The following CSMD2 variants were observed in gnomAD, a reference collection of about 807,000 sequenced individuals.
CSMD2 encodes CUB and Sushi multiple domains 2, also known as CUB and sushi domain-containing protein 2.
A neutral mutation model predicts 398.5 loss-of-function variants in CSMD2; 130 were observed. That is an observed-to-expected ratio of 0.33 (90% CI 0.28 to 0.38). CSMD2 has a LOEUF of 0.38. Among genes scored for constraint, CSMD2 ranks in the 10% least tolerant of loss-of-function variants. CSMD2 has a pLI of 1.00. For missense variants in CSMD2, 3,829 were observed against 4,764.9 expected, an observed-to-expected ratio of 0.80 and a Z score of 5.78; for synonymous variants, 1,828 against 1,908.5, an observed-to-expected ratio of 0.96 and a Z score of 1.10.
chr1:34,018,079 T>A (rs571841163), intron 3 of CSMD2, among the ~76,000 whole-genome samples: 1 of 152,370 alleles, frequency 6.6e-6, no homozygotes, highest in Admixed American at 6.5e-5. Context: ...CCACGTCAAC[T>A]GTTTCTTTTT....
chr1:33,646,819 C>T lies in CSMD2; in HGVS notation c.4603G>A (p.Gly1535Ser). 1 of 1,612,176 alleles carries T rather than the reference C, an allele frequency of 6.2e-7. No homozygotes were observed. Among genetic ancestry groups the T allele is most frequent in the Non-Finnish European group, 8.5e-7 (1 of 1,179,014 alleles). Residue 1535 changes from glycine to serine, a missense_variant, in exon 29 of 71, where the codon GGC (glycine) becomes AGC (serine). Physicochemically the swap from Gly to Ser is moderately conservative, Grantham distance 56 (BLOSUM62 0). Coordinates refer to ENST00000373381, the MANE Select transcript of CSMD2 (RefSeq NM_001281956.2). ...LVFNIFNLEP[G>S]YDFLHIYDGR... is the part of the protein sequence containing the mutation. ...TCGTAGATATGGAGGAAGTCATAGC[C>T]AGGCTCCAGGTTAAAGCTGGGGAAC...
intron 42 of CSMD2, among the ~76,000 whole-genome samples, 179 bp downstream of exon 42, chr1:33,605,103 C>T (rs1370687808): frequency 2.6e-5 from 4 of 152,188 alleles, no homozygotes; most frequent in Non-Finnish European, 5.9e-5. Context: ...AGCCCTGTCA[C>T]CAGGACCCTC....
chr1:33,943,811 G>A (rs1311513184), intron 3 of CSMD2, among the ~76,000 whole-genome samples: 1 of 151,852 alleles, frequency 6.6e-6, no homozygotes, highest in Non-Finnish European at 1.5e-5. Context: ...TATATATCTA[G>A]CATTTGATTT....
chr1:33,951,583 C>T (rs1178668625), intron 3 of CSMD2, among the ~76,000 whole-genome samples: 3 of 152,198 alleles, frequency 2.0e-5, no homozygotes, highest in South Asian at 2.1e-4. Flanking sequence ...CCCCCTCGCC[C>T]GTCCTCCACT....
intron 58 of CSMD2, among the ~76,000 whole-genome samples, chr1:33,542,083 G>A (rs1471945556): frequency 1.3e-5 from 2 of 152,198 alleles, no homozygotes; most frequent in Admixed American, 6.5e-5. Flanking sequence ...TTCAGAGGGA[G>A]TCGAAATCAC....
chr1:33,613,460 G>C (rs1193231460), intron 40 of CSMD2, among the ~76,000 whole-genome samples: 1 of 152,168 alleles, frequency 6.6e-6, no homozygotes, highest in Non-Finnish European at 1.5e-5. Flanking sequence ...TCCTTCAGAA[G>C]ATGGTACTGA....
chr1:33,980,397 G>C (rs114180505), intron 3 of CSMD2, among the ~76,000 whole-genome samples: 1 of 152,104 alleles, frequency 6.6e-6, no homozygotes, highest in Non-Finnish European at 1.5e-5. Flanking sequence ...AGTAGGTCAG[G>C]TCTCACAGTG....
intron 65 of CSMD2, among the ~76,000 whole-genome samples, chr1:33,526,630 T>C (rs933225503): frequency 6.6e-6 from 1 of 152,252 alleles, no homozygotes; most frequent in Non-Finnish European, 1.5e-5. Context: ...AGGACACAGC[T>C]GGTCAGTGAC....
rs777096627 is a variant in CSMD2 at position 33,571,522 on chromosome 1, C to T, written c.7957+10G>A. 3 of 1,438,354 alleles carry T rather than the reference C, an allele frequency of 2.1e-6. No individual in the cohort carries two copies. The Admixed American group carries it at 6.1e-5, about 29-fold the overall frequency. The allele number at this position is 1,438,354 out of a possible 1,614,324, so 89.1% of individuals were successfully genotyped here. A position where few individuals can be genotyped will look rare whatever the true frequency, so the allele number is the denominator to read the frequency against. ...TGCTAAACTTGCCCACCCTCCCTTC[C>T]TGGGCTTACTTCGGCAGGTGGGCGT... On this transcript the variant is annotated intron_variant, in intron 51 of 70. Coordinates refer to ENST00000373381, the MANE Select transcript of CSMD2 (RefSeq NM_001281956.2).
At position 33,557,918 on chromosome 1, in the gene CSMD2, G is replaced by C. The variant is rs1041208163; in HGVS notation, c.8559C>G (p.Ile2853Met). 34 of 1,534,138 alleles carry C rather than the reference G, an allele frequency of 2.2e-5. No individual in the cohort carries two copies. Among genetic ancestry groups the C allele is most frequent in the Non-Finnish European group, 3.0e-5 (34 of 1,145,308 alleles). Reference sequence around the variant, plus strand: ...CTTGGTGTCCAGGATCTGTACAGTTGATGACTGCAATTGAACAGAAGTCCA... The same window carrying C: ...CTTGGTGTCCAGGATCTGTACAGTTCATGACTGCAATTGAACAGAAGTCCA... ...WSDMLPTCRIINCTDPGHQEN... is the reference protein window; with the variant it reads ...WSDMLPTCRIMNCTDPGHQEN... Residue 2853 changes from isoleucine to methionine, a missense_variant, in exon 55 of 71, where the codon ATC (isoleucine) becomes ATG (methionine). Physicochemically the swap from Ile to Met is conservative, Grantham distance 10 (BLOSUM62 1). Around this residue, in one of 5 missense-constraint regions of CSMD2, gnomAD observed 917 missense variants for 1,199.5 expected, o/e 0.76. Transcript: ENST00000373381.
rs932600876 is a variant in CSMD2 at position 33,693,054 on chromosome 1, C to T, written c.3928G>A (p.Glu1310Lys). The T allele has an allele frequency of 6.9e-6, 11 of 1,591,342 alleles. No homozygotes were observed. The highest frequency in any genetic ancestry group is 1.4e-5 in the African/African-American group (1 of 73,546). Residue 1310 changes from glutamate to lysine, a missense_variant and splice_region_variant, in exon 25 of 71, where the codon GAG (glutamate) becomes AAG (lysine). This residue lies in a region of CSMD2 where 2,001 missense variants were observed against 2,567.1 expected (regional missense o/e 0.78). Coordinates refer to ENST00000373381, the MANE Select transcript of CSMD2 (RefSeq NM_001281956.2). ...TCTCCTCTCACTGTCCCTCCACACT[C>T]GGCTGAAAGAAATCCCAAAAGAGTG... ...WDRPLPTCVAECGGTVRGEVS... is the reference protein window; with the variant it reads ...WDRPLPTCVAKCGGTVRGEVS...
In CSMD2 at chr1:33,537,146, G is replaced by A. The variant is rs1162571823; in HGVS notation, c.9806-51C>T. 1.5e-5 allele frequency: 24 copies of A among 1,568,842 alleles called. No individual in the cohort carries two copies. Among genetic ancestry groups the A allele is most frequent in the Middle Eastern group, 1.7e-4 (1 of 5,952 alleles). ...ATCACATGGTCATGGAAGCCTTCAC[G>A]GCCTCATCTCACTCTGGGAAATAGG... is the stretch of plus-strand genomic sequence containing the variant. On this transcript the variant is annotated intron_variant, in intron 61 of 70. Transcript: ENST00000373381. This position sits in a 1 kb window ranked among gnomAD's most constrained non-coding sequence, Gnocchi z 4.6.
chr1:33,815,187 C>T (rs1657318806), intron 9 of CSMD2: 1 of 152,100 alleles, frequency 6.6e-6, no homozygotes, highest in African/African-American at 2.4e-5. Flanking sequence ...TTCAAATATT[C>T]AACACTTGGT....
chr1:33,559,522 C>T lies in CSMD2; in HGVS notation c.8381-49G>A. 2 of 1,503,732 alleles carry T rather than the reference C, an allele frequency of 1.3e-6. No homozygotes were observed. Among genetic ancestry groups the T allele is most frequent in the Admixed American group, 2.0e-5 (1 of 50,710 alleles). The allele number at this position is 1,503,732 out of a possible 1,614,324, so 93.1% of individuals were successfully genotyped here. On this transcript the variant is annotated intron_variant, in intron 53 of 70. Coordinates refer to ENST00000373381, the MANE Select transcript of CSMD2 (RefSeq NM_001281956.2). The surrounding 1 kb of genome is among the most constrained non-coding windows in gnomAD (Gnocchi z 4.0). ...TAAGCCCTCCTACTATTCCACACCC[C>T]TCAGAATTTATCCACCTCTCACCTG...
At chr1:33,818,985 G>C (rs1351958729) in intron 9 of CSMD2, among the ~76,000 whole-genome samples, 4 of 152,214 alleles carry the variant, frequency 2.6e-5, no homozygotes, top group Admixed American at 6.5e-5. Context: ...GCACTCAAAA[G>C]AGCACCTGTT....
In CSMD2 at chr1:33,559,922, C is replaced by G. The variant is rs1443266034; in HGVS notation, c.8381-449G>C. ...AACCAAGACTGGTGCAGAGTTCAGT[C>G]ACTCTGCTAGATCAATAGCCCAGGT... On this transcript the variant is annotated intron_variant, in intron 53 of 70. Transcript: ENST00000373381. This position sits in a 1 kb window ranked among gnomAD's most constrained non-coding sequence, Gnocchi z 4.0. Among the ~76,000 whole-genome samples the G allele has an allele frequency of 6.6e-6, 1 of 152,196 alleles. No homozygotes were observed. The highest frequency in any genetic ancestry group is 1.5e-5 in the Non-Finnish European group (1 of 68,046).
chr1:33,948,207 A>G (rs768989408), intron 3 of CSMD2, among the ~76,000 whole-genome samples: 26 of 152,220 alleles, frequency 1.7e-4, no homozygotes, highest in African/African-American at 5.8e-4. Flanking sequence ...CTGGAGTCCA[A>G]CTACTTCTCC....
chr1:33,806,135 G>C (rs766441566), intron 10 of CSMD2, among the ~76,000 whole-genome samples: 52 of 152,122 alleles, frequency 3.4e-4, no homozygotes, highest in Admixed American at 1.2e-3. Flanking sequence ...TGAAAGAGTT[G>C]GGTTAGTTAA....
intron 32 of CSMD2, among the ~76,000 whole-genome samples, chr1:33,628,279 G>A (rs1221834065): frequency 1.3e-5 from 2 of 151,938 alleles, no homozygotes; most frequent in Non-Finnish European, 2.9e-5. Flanking sequence ...TTAAAATAAC[G>A]AGAGAAATGA....
Sources: gnomAD v4.1 joint callset for allele counts (sites outside exome capture counted in the v4.1 genomes callset) on GRCh38, gnomAD v4.1.1 for gene constraint, gnomAD v4.1.1 regional missense constraint, Gnocchi (gnomAD v3.1) non-coding constraint, MANE v1.5 for transcripts, NCBI Gene and HGNC (gene_info 2026-07-23, HGNC 2026-07-21) for gene names.